Variants in CCND2 observed in about 807,000 individuals in gnomAD.
CCND2 encodes G1/S-specific cyclin-D2.
In CCND2, 6 loss-of-function variants were observed where a neutral mutation model predicts 30.2. The observed-to-expected ratio is 0.20, with a 90% CI of 0.11 to 0.39. The LOEUF is 0.39. CCND2 is among the 10% of genes least tolerant of loss of function. The pLI is 1.00. For synonymous variants in CCND2, 150 were observed against 153.1 expected (o/e 0.98, Z 0.15); for missense variants, 235 against 373.4 (o/e 0.63, Z 3.06).
Position 4,298,071 on chromosome 12 carries a change from G to C in CCND2, c.721-1789G>C, listed in dbSNP as rs76626715. The C allele has an allele frequency of 5.1e-3, 1,075 of 212,798 alleles. 58 individuals carry two copies. The East Asian group carries it at 0.11, about 21-fold the overall frequency. 13.2% of individuals were successfully genotyped at this position (212,798 alleles called of 1,614,324 possible). ...CCAGTTTATTGTTATACATAATCACGATCATTTATTGAGCTCCACTTAGCA... is the reference window on the plus strand; with the variant it reads ...CCAGTTTATTGTTATACATAATCACCATCATTTATTGAGCTCCACTTAGCA... On this transcript the variant is annotated intron_variant, in intron 4 of 4. Transcript: ENST00000261254.
Position 4,273,995 on chromosome 12 carries a change from T to C in CCND2, c.-46T>C, listed in dbSNP as rs760090924. On this transcript the variant is annotated 5_prime_UTR_variant, in exon 1 of 5. Coordinates refer to ENST00000261254, the MANE Select transcript of CCND2 (RefSeq NM_001759.4). This position sits in a 1 kb window ranked among gnomAD's most constrained non-coding sequence, Gnocchi z 5.9. The stretch of plus-strand genomic sequence containing the variant: ...AAAAAACAAAAACAGAAAAACCTTT[T>C]TCCAGGCCGGGGAAAGCAGGAGGGA... 2 of 1,578,314 alleles carry C rather than the reference T, an allele frequency of 1.3e-6. No homozygotes were observed. Among genetic ancestry groups the C allele is most frequent in the East Asian group, 2.3e-5 (1 of 43,930 alleles).
intron 3 of CCND2, among the ~76,000 whole-genome samples, chr12:4,284,938 G>A (rs1391413718): frequency 6.6e-6 from 1 of 152,002 alleles, no homozygotes; most frequent in Non-Finnish European, 1.5e-5. Context: ...GTTTCACCGT[G>A]TTGGCCAGAC....
At chr12:4,294,711 G>A (rs116953293) in intron 4 of CCND2, among the ~76,000 whole-genome samples, 14 of 152,304 alleles carry the variant, frequency 9.2e-5, no homozygotes, top group Admixed American at 5.9e-4. Context: ...AACTCTCCAC[G>A]CTCCATTCCC....
rs984311802 is a variant in CCND2 at position 4,282,827 on chromosome 12, C to T, written c.571+3908C>T. On this transcript the variant is annotated intron_variant, in intron 3 of 4. Coordinates refer to ENST00000261254, the MANE Select transcript of CCND2 (RefSeq NM_001759.4). The surrounding 1 kb of genome is among the most constrained non-coding windows in gnomAD (Gnocchi z 4.3). ...CCCACAAGGACAGGGTATGCTGGTC[C>T]TCTTATGGGGGTGGCAGATGAGGTG... is the stretch of plus-strand genomic sequence containing the variant. 1.5e-4 allele frequency among the ~76,000 whole-genome samples: 23 copies of T among 152,226 alleles called. No homozygotes were observed. Among genetic ancestry groups the T allele is most frequent in the Non-Finnish European group, 3.1e-4 (21 of 68,040 alleles).
Position 4,278,740 on chromosome 12 carries a change from C to A in CCND2, c.412-20C>A, listed in dbSNP as rs1863906937. ...TGTGGAATTTAGATTCTCCTCTTCT[C>A]TTCCTGCCTTCCCCTCCAGGAGTGG... is the stretch of plus-strand genomic sequence containing the variant. On this transcript the variant is annotated intron_variant, in intron 2 of 4. Transcript: ENST00000261254. 3 of 1,613,110 alleles carry A rather than the reference C, an allele frequency of 1.9e-6. No individual in the cohort carries two copies. The highest frequency in any genetic ancestry group is 2.5e-6 in the Non-Finnish European group (3 of 1,179,242).
At chr12:4,279,909 CGTG>C (rs760710806) in intron 3 of CCND2, among the ~76,000 whole-genome samples, 4 of 151,494 alleles carry the variant, frequency 2.6e-5, no homozygotes, top group South Asian at 2.1e-4. Flanking sequence ...GGTGGACTCA[CGTG>C]GTAACTTTTT....
Position 4,273,895 on chromosome 12 carries a change from C to T in CCND2, c.-146C>T. ...CCTTCTGCTCCACCTTCTCTCTCTG[C>T]CCTCACCTCTCCCCCGAAAACCCCC... On this transcript the variant is annotated 5_prime_UTR_variant, in exon 1 of 5. Coordinates refer to ENST00000261254, the MANE Select transcript of CCND2 (RefSeq NM_001759.4). The surrounding 1 kb of genome is among the most constrained non-coding windows in gnomAD (Gnocchi z 5.9). 1.3e-6 allele frequency: 1 copy of T among 744,258 alleles called. No homozygotes were observed. The highest frequency in any genetic ancestry group is 2.2e-6 in the Non-Finnish European group (1 of 464,854). The allele number at this position is 744,258 out of a possible 1,614,324, so 46.1% of individuals were successfully genotyped here. A position where few individuals can be genotyped will look rare whatever the true frequency, so the allele number is the denominator to read the frequency against.
At chr12:4,298,814 C>T (rs192699923) in intron 4 of CCND2, among the ~76,000 whole-genome samples, 50 of 152,354 alleles carry the variant, frequency 3.3e-4, no homozygotes, top group Middle Eastern at 3.4e-3. Flanking sequence ...GCACCAGCAA[C>T]GGTCCCTGTC....
chr12:4,291,487 T>C (rs1864100913), intron 4 of CCND2, among the ~76,000 whole-genome samples: 1 of 152,122 alleles, frequency 6.6e-6, no homozygotes, highest in South Asian at 2.1e-4. Context: ...GATGGTGGCA[T>C]CTGGGAAATA....
At position 4,301,944 on chromosome 12, in the gene CCND2, G is replaced by GTT. The variant is rs551472296; in HGVS notation, c.*1946_*1947dup. The GTT allele has an allele frequency of 3.3e-4, 65 of 199,248 alleles. No homozygotes were observed. The highest frequency in any genetic ancestry group is 4.2e-4 in the Non-Finnish European group (42 of 100,040). The allele number at this position is 199,248 out of a possible 1,614,324, so 12.3% of individuals were successfully genotyped here. On this transcript the variant is annotated 3_prime_UTR_variant, in exon 5 of 5. Coordinates refer to ENST00000261254, the MANE Select transcript of CCND2 (RefSeq NM_001759.4). Reference sequence around the variant, plus strand: ...TTTTTTTTTCTTTTTTGGTTTTTTGGTTTTTTTTTTTTCCTCTGATCACAT... The same window carrying GTT: ...TTTTTTTTTCTTTTTTGGTTTTTTGGTTTTTTTTTTTTTTCCTCTGATCACAT...
chr12:4,276,081 T>A lies in CCND2; in HGVS notation c.272T>A (p.Val91Asp). Residue 91 changes from valine (V) to aspartate (D), a missense_variant, in exon 2 of 5, where the codon GTC (valine) becomes GAC (aspartate). Physicochemically the swap from Val to Asp is radical, Grantham distance 152. Transcript: ENST00000261254. The surrounding 1 kb of genome is among the most constrained non-coding windows in gnomAD (Gnocchi z 4.8). ...MNYLDRFLAGVPTPKSHLQLL... is the reference protein window; with the variant it reads ...MNYLDRFLAGDPTPKSHLQLL... ...TACCTGGACCGTTTCTTGGCTGGGG[T>A]CCCGACTCCGAAGTCCCATCTGCAA... The A allele has an allele frequency of 6.2e-7, 1 of 1,611,258 alleles. No individual in the cohort carries two copies.
chr12:4,285,876 G>A lies in CCND2; in HGVS notation c.572-2966G>A, dbSNP rs779575684. On this transcript the variant is annotated intron_variant, in intron 3 of 4. Transcript: ENST00000261254. This position sits in a 1 kb window ranked among gnomAD's most constrained non-coding sequence, Gnocchi z 4.1. ...GGTCCTGGGGCAGCCCTGGTGCCAC[G>A]GGGAAGTAGCGCCGCTCTGTGGAGA... Among the ~76,000 whole-genome samples the A allele has an allele frequency of 2.0e-5, 3 of 152,316 alleles. No homozygotes were observed. Among genetic ancestry groups the A allele is most frequent in the Middle Eastern group, 6.8e-3 (2 of 294 alleles).
rs751471970 is a variant in CCND2 at position 4,300,997 on chromosome 12, C to T, written c.*988C>T. ...GAAAAGCACTTTGAAAAATTGTTCC[C>T]GAGCGATAGATGGGATGGTTTATGC... On this transcript the variant is annotated 3_prime_UTR_variant, in exon 5 of 5. Transcript: ENST00000261254. 3.4e-5 allele frequency: 8 copies of T among 233,520 alleles called. No individual in the cohort carries two copies. Among genetic ancestry groups the T allele is most frequent in the East Asian group, 1.2e-4 (2 of 16,604 alleles). The allele number at this position is 233,520 out of a possible 1,614,324, so 14.5% of individuals were successfully genotyped here. A position where few individuals can be genotyped will look rare whatever the true frequency, so the allele number is the denominator to read the frequency against.
chr12:4,275,925 C>A (rs2120521765), intron 1 of CCND2, 80 bp from the exon 2 acceptor site: 1 of 905,462 alleles, frequency 1.1e-6, no homozygotes, highest in South Asian at 1.9e-5. Context: ...CGATAGATTA[C>A]GCTTTTTTAT....
intron 3 of CCND2, among the ~76,000 whole-genome samples, chr12:4,280,771 A>C (rs909580565): frequency 2.0e-5 from 3 of 152,198 alleles, no homozygotes; most frequent in Non-Finnish European, 4.4e-5. Flanking sequence ...CCAGCTGTTG[A>C]TAGCCAGAGC....
intron 4 of CCND2, chr12:4,297,972 A>C (rs1442315965): frequency 1.0e-5 from 3 of 294,664 alleles, no homozygotes; most frequent in Non-Finnish European, 2.2e-5. Context: ...ATCTTGACAC[A>C]CGCTTCATTA....
intron 3 of CCND2, among the ~76,000 whole-genome samples, chr12:4,281,414 G>A (rs1196928806): frequency 1.3e-5 from 2 of 152,204 alleles, no homozygotes; most frequent in Non-Finnish European, 2.9e-5. Flanking sequence ...AGGGTGTGAT[G>A]AATGGGCAAG....
intron 3 of CCND2, 38 bp from the exon 4 acceptor site, chr12:4,288,804 G>A (rs369033113): frequency 1.4e-4 from 229 of 1,580,382 alleles, no homozygotes; most frequent in Non-Finnish European, 1.8e-4. Context: ...ATCCAAATTC[G>A]TTCTGTGCCC....
intron 3 of CCND2, among the ~76,000 whole-genome samples, chr12:4,286,467 G>A (rs1451910747): frequency 1.3e-5 from 2 of 152,138 alleles, no homozygotes; most frequent in Non-Finnish European, 2.9e-5. Flanking sequence ...CAGGGATCCC[G>A]AGGAAGATGC....
Sources: gnomAD v4.1 joint callset for allele counts (sites outside exome capture counted in the v4.1 genomes callset) on GRCh38, gnomAD v4.1.1 for gene constraint, Gnocchi (gnomAD v3.1) non-coding constraint, MANE v1.5 for transcripts, NCBI Gene and HGNC (gene_info 2026-07-23, HGNC 2026-07-21) for gene names.